The following GLIS3 variants were observed in gnomAD, a reference collection of about 807,000 sequenced individuals.
The protein encoded by GLIS3 is zinc finger protein GLIS3.
Under a neutral mutation model 78.6 loss-of-function variants are expected in GLIS3, and 53 were observed. The ratio of observed to expected loss-of-function variants is 0.67; its 90% CI spans 0.54 to 0.85. The LOEUF is 0.85. Among genes scored for constraint, GLIS3 ranks in the 40% least tolerant of loss-of-function variants. The pLI is 0.00. For synonymous variants in GLIS3, 684 were observed against 509.9 expected (o/e 1.34, Z -4.60); for missense variants, 1,703 against 1,231.1 (o/e 1.38, Z -5.74).
intron 1 of GLIS3, 49 bp from the exon 2 acceptor site, chr9:4,286,572 A>C: frequency 1.1e-6 from 1 of 914,240 alleles, no homozygotes. Flanking sequence ...AAATGAAAAT[A>C]AGATACAGTG....
At chr9:3,919,736 G>C (rs987363811) in intron 6 of GLIS3, among the ~76,000 whole-genome samples, 6 of 151,810 alleles carry the variant, frequency 4.0e-5, no homozygotes, top group Non-Finnish European at 7.4e-5. Context: ...TATTGGCTCA[G>C]TTACCAAGAA....
chr9:4,426,661 T>G, the GLIS3 span, among the ~76,000 whole-genome samples: 1 of 152,266 alleles, frequency 6.6e-6, no homozygotes, highest in African/African-American at 2.4e-5. Context: ...GGCAACCATA[T>G]AGCAAAATAT....
At chr9:3,990,699 A>T (rs1198831686) in intron 4 of GLIS3, among the ~76,000 whole-genome samples, 1 of 152,212 alleles carries the variant, frequency 6.6e-6, no homozygotes, top group Non-Finnish European at 1.5e-5. Flanking sequence ...TCACACTCAG[A>T]CAGCCAAGGG....
chr9:3,934,050 C>A (rs1225937403), intron 5 of GLIS3, among the ~76,000 whole-genome samples: 1 of 152,174 alleles, frequency 6.6e-6, no homozygotes, highest in African/African-American at 2.4e-5. Context: ...TAAAAGTGAA[C>A]AATGGATAAA....
chr9:4,037,579 CACACAG>C (rs1040915426), intron 4 of GLIS3, among the ~76,000 whole-genome samples: 7 of 150,148 alleles, frequency 4.7e-5, no homozygotes, highest in Non-Finnish European at 8.9e-5. Flanking sequence ...CACACACACA[CACACAG>C]AGACAATAAA....
chr9:4,301,112 G>C (rs146392394), upstream of GLIS3, among the ~76,000 whole-genome samples: 476 of 152,274 alleles, frequency 3.1e-3, 1 homozygote, highest in Non-Finnish European at 4.1e-3. Context: ...TCTAATTTCA[G>C]TGGGAATACT....
chr9:4,099,915 G>A (rs182769984), intron 4 of GLIS3, among the ~76,000 whole-genome samples: 7 of 152,088 alleles, frequency 4.6e-5, no homozygotes, highest in East Asian at 3.9e-4. Context: ...TAAAGACTTC[G>A]TCATCTGTTT....
chr9:3,863,947 CAGGACCAAG>C (rs563984626), intron 8 of GLIS3, among the ~76,000 whole-genome samples: 120 of 152,118 alleles, frequency 7.9e-4, no homozygotes, highest in Non-Finnish European at 1.0e-3. Flanking sequence ...ATGAATTATG[CAGGACCAAG>C]AGAGGAGTTT....
chr9:4,321,461 A>AAAAAAAAAAG (rs1563932116), intron 2 of GLIS3, among the ~76,000 whole-genome samples: 1 of 140,920 alleles, frequency 7.1e-6, no homozygotes, highest in Non-Finnish European at 1.5e-5. Context: ...AAAAAAAAAA[A>AAAAAAAAAAG]AATCAGGTGC....
At chr9:3,956,400 C>T (rs527318801) in intron 4 of GLIS3, among the ~76,000 whole-genome samples, 2 of 152,310 alleles carry the variant, frequency 1.3e-5, no homozygotes, top group East Asian at 3.9e-4. Flanking sequence ...ATGTCCTGGA[C>T]AGAAGCCTTC....
At chr9:4,366,699 C>A in the GLIS3 span, among the ~76,000 whole-genome samples, 2 of 152,184 alleles carry the variant, frequency 1.3e-5, no homozygotes, top group African/African-American at 4.8e-5. Flanking sequence ...TGTCTTTGTT[C>A]TGAGCTGGCT....
At chr9:4,235,256 A>C (rs1312319736) in intron 2 of GLIS3, among the ~76,000 whole-genome samples, 2 of 147,196 alleles carry the variant, frequency 1.4e-5, no homozygotes, top group African/African-American at 2.6e-5. Flanking sequence ...CCGAGATTGC[A>C]CTACTGCACT....
chr9:4,028,018 C>T (rs576186638), intron 4 of GLIS3, among the ~76,000 whole-genome samples: 1 of 152,174 alleles, frequency 6.6e-6, no homozygotes, highest in Non-Finnish European at 1.5e-5. Flanking sequence ...ACCAAACCAG[C>T]GCAACCCGGA....
intron 4 of GLIS3, chr9:4,054,537 G>A: frequency 3.1e-6 from 3 of 975,024 alleles, no homozygotes; most frequent in Non-Finnish European, 3.7e-6. Context: ...GGCAAACACA[G>A]ATCTGATCAG....
At chr9:4,483,624 G>T in the GLIS3 span, among the ~76,000 whole-genome samples, 186 of 151,884 alleles carry the variant, frequency 1.2e-3, 2 homozygotes, top group African/African-American at 3.3e-3. Flanking sequence ...AGAGGCTGAG[G>T]CAGGAGAATC....
the GLIS3 span, among the ~76,000 whole-genome samples, chr9:4,466,417 G>A: frequency 3.9e-5 from 6 of 152,130 alleles, no homozygotes; most frequent in Admixed American, 1.3e-4. Context: ...AAATAGAGAA[G>A]GAAGAAACAT....
intron 8 of GLIS3, among the ~76,000 whole-genome samples, chr9:3,869,735 T>TATCA (rs1179788286): frequency 5.3e-5 from 8 of 152,212 alleles, no homozygotes. Context: ...CCTTAGGACC[T>TATCA]ATCACTGCAT....
At chr9:3,870,099 G>A (rs1327402119) in intron 8 of GLIS3, among the ~76,000 whole-genome samples, 1 of 152,208 alleles carries the variant, frequency 6.6e-6, no homozygotes, top group Admixed American at 6.5e-5. Flanking sequence ...TTACAGAATT[G>A]CAAAGCCATT....
At chr9:4,050,141 A>G (rs973062532) in intron 4 of GLIS3, among the ~76,000 whole-genome samples, 3 of 151,480 alleles carry the variant, frequency 2.0e-5, no homozygotes, top group Non-Finnish European at 4.4e-5. Flanking sequence ...ATAAAGACAC[A>G]TGCACACGTA....
Sources: gnomAD v4.1 joint callset for allele counts (sites outside exome capture counted in the v4.1 genomes callset) on GRCh38, gnomAD v4.1.1 for gene constraint, MANE v1.5 for transcripts, NCBI Gene and HGNC (gene_info 2026-07-23, HGNC 2026-07-21) for gene names.